Variants in ESR1 observed in about 807,000 individuals in gnomAD.
ESR1 encodes the protein estrogen receptor.
Under a neutral mutation model 52.7 loss-of-function variants are expected in ESR1, and 12 were observed. The observed-to-expected ratio is 0.23, with a 90% CI of 0.15 to 0.37. The LOEUF is 0.37. Ranked by LOEUF, ESR1 falls within the 10% of genes least tolerant of loss-of-function variation. The pLI is 1.00. For missense variants in ESR1, 584 were observed against 779.7 expected (o/e 0.75, Z 2.99); for synonymous variants, 305 against 316.8 (o/e 0.96, Z 0.39).
chr6:151,808,768 TG>T (rs1434283333), intron 1 of ESR1, among the ~76,000 whole-genome samples: 1 of 152,132 alleles, frequency 6.6e-6, no homozygotes, highest in Admixed American at 6.5e-5. Context: ...CATTTAAAGT[TG>T]GGGGTGTTTG....
At chr6:151,948,476 A>T (rs1357545674) in intron 4 of ESR1, among the ~76,000 whole-genome samples, 1 of 152,120 alleles carries the variant, frequency 6.6e-6, no homozygotes, top group Non-Finnish European at 1.5e-5. Flanking sequence ...GTGCACTCAG[A>T]GTGTTGGCCC....
At chr6:151,880,821 C>A (rs17847077) in intron 3 of ESR1, 50 bp downstream of exon 3, 1 of 923,524 alleles carries the variant, frequency 1.1e-6, no homozygotes, top group South Asian at 1.3e-5. Context: ...GGCCACCGCC[C>A]AGTGCTGGCT....
At chr6:152,106,681 C>T (rs1173424649), downstream of ESR1, among the ~76,000 whole-genome samples, 1 of 152,160 alleles carries the variant, frequency 6.6e-6, no homozygotes, top group Admixed American at 6.5e-5. Flanking sequence ...CTCCATGTTC[C>T]AGGCTCAAGT....
At chr6:151,765,672 G>A (rs1044048726) in intron 2 of ESR1, among the ~76,000 whole-genome samples, 1 of 152,052 alleles carries the variant, frequency 6.6e-6, no homozygotes, top group Non-Finnish European at 1.5e-5. Flanking sequence ...GAGTTGCCTG[G>A]GCTTGTCACT....
chr6:151,884,823 T>C lies in ESR1; in HGVS notation c.760+4052T>C, dbSNP rs560057841. 4.6e-5 allele frequency among the ~76,000 whole-genome samples: 7 copies of C among 152,338 alleles called. No individual in the cohort carries two copies. In the South Asian group the frequency reaches 1.0e-3, roughly 23 times the overall value. ...GTCTCCTTCCTCTTGAACTTTAGGT[T>C]GTAGATTACATGTCTCTTCTTCAGG... On this transcript the variant is annotated intron_variant, in intron 3 of 7. Transcript: ENST00000206249.
chr6:151,956,282 G>T (rs568844581), intron 4 of ESR1, among the ~76,000 whole-genome samples: 1 of 152,030 alleles, frequency 6.6e-6, no homozygotes, highest in African/African-American at 2.4e-5. Context: ...TCTGTTTTTA[G>T]TTCTTTTAGT....
chr6:151,810,051 C>G (rs952660714), intron 1 of ESR1, among the ~76,000 whole-genome samples: 2 of 152,048 alleles, frequency 1.3e-5, no homozygotes, highest in Non-Finnish European at 1.5e-5. Context: ...ATTAATGCTG[C>G]TGAATTTCAA....
At chr6:151,689,271 A>G (rs1200792745), upstream of ESR1, among the ~76,000 whole-genome samples, 2 of 152,216 alleles carry the variant, frequency 1.3e-5, no homozygotes, top group Non-Finnish European at 2.9e-5. Context: ...TGTTCAGAGC[A>G]TGTTATTCAA....
At chr6:151,787,562 C>T (rs1290387) in intron 2 of ESR1, among the ~76,000 whole-genome samples, 1 of 152,072 alleles carries the variant, frequency 6.6e-6, no homozygotes, top group Non-Finnish European at 1.5e-5. Context: ...AATTTCACCT[C>T]CCGGGTTAGC....
At chr6:152,018,731 C>T (rs2043366115) in intron 5 of ESR1, among the ~76,000 whole-genome samples, 1 of 151,998 alleles carries the variant, frequency 6.6e-6, no homozygotes, top group Non-Finnish European at 1.5e-5. Flanking sequence ...ACTGTTTAGG[C>T]CCTGGGCCCT....
intron 1 of ESR1, among the ~76,000 whole-genome samples, chr6:151,659,265 A>G (rs182068614): frequency 0.01 from 1,535 of 152,252 alleles, 21 homozygotes; most frequent in Non-Finnish European, 0.012. Context: ...CGCCCACCTC[A>G]GCCTCCCAGA....
chr6:151,679,282 G>A (rs1019604824), intron 1 of ESR1, among the ~76,000 whole-genome samples: 7 of 152,134 alleles, frequency 4.6e-5, no homozygotes, highest in South Asian at 4.1e-4. Flanking sequence ...AGGATGCCAC[G>A]TGTCCCACAT....
chr6:151,902,793 A>G (rs1796884482), intron 3 of ESR1, among the ~76,000 whole-genome samples: 1 of 152,240 alleles, frequency 6.6e-6, no homozygotes, highest in Non-Finnish European at 1.5e-5. Flanking sequence ...ATGGGTAATG[A>G]AAAGTACGTT....
At chr6:151,860,877 T>C (rs796170442) in intron 2 of ESR1, among the ~76,000 whole-genome samples, 43 of 152,354 alleles carry the variant, frequency 2.8e-4, no homozygotes, top group African/African-American at 1.0e-3. Flanking sequence ...CCTGTGGATT[T>C]CTACCTCTTA....
rs145079388 is a variant in ESR1 at position 152,074,951 on chromosome 6, G to A, written c.1369+13827G>A. 7.9e-5 allele frequency among the ~76,000 whole-genome samples: 12 copies of A among 152,228 alleles called. No individual in the cohort carries two copies. In the South Asian group the frequency reaches 1.0e-3, roughly 13 times the overall value. On this transcript the variant is annotated intron_variant, in intron 6 of 7. Coordinates refer to ENST00000206249, the MANE Select transcript of ESR1 (RefSeq NM_000125.4). ...TAATCAGGTTGTTTGCGTTCTTATC[G>A]TTGAGTTTTAAAAGCTCTTTGTATA...
intron 3 of ESR1, among the ~76,000 whole-genome samples, chr6:151,903,446 A>G (rs1055944726): frequency 3.3e-5 from 5 of 151,928 alleles, no homozygotes; most frequent in African/African-American, 1.2e-4. Flanking sequence ...ACACTGCTTG[A>G]CCTCATTCTG....
At chr6:152,122,310 G>A (rs2051576496) in intron 6 of ESR1, 5 of 1,476,964 alleles carry the variant, frequency 3.4e-6, no homozygotes, top group Middle Eastern at 2.4e-4. Flanking sequence ...TGATCTGGAG[G>A]AGGGCTAAAG....
At chr6:152,057,476 C>T (rs1488700804) in intron 5 of ESR1, among the ~76,000 whole-genome samples, 1 of 152,108 alleles carries the variant, frequency 6.6e-6, no homozygotes. Context: ...TCAGGATAAA[C>T]TTCTTGTAGC....
chr6:151,832,117 A>G lies in ESR1; in HGVS notation c.453-10480A>G, dbSNP rs192996145. ...TGTATCACTAAATAGATAATATGAGATAGATGTATTAAGTTTTCAGATAAA... is the reference window on the plus strand; with the variant it reads ...TGTATCACTAAATAGATAATATGAGGTAGATGTATTAAGTTTTCAGATAAA... On this transcript the variant is annotated intron_variant, in intron 1 of 7. Coordinates refer to ENST00000206249, the MANE Select transcript of ESR1 (RefSeq NM_000125.4). Among the ~76,000 whole-genome samples, 705 of 152,342 alleles carry G rather than the reference A, an allele frequency of 4.6e-3. 4 individuals carry two copies. Among genetic ancestry groups the G allele is most frequent in the African/African-American group, 0.016 (675 of 41,576 alleles).
Sources: gnomAD v4.1 joint callset for allele counts (sites outside exome capture counted in the v4.1 genomes callset) on GRCh38, gnomAD v4.1.1 for gene constraint, MANE v1.5 for transcripts, NCBI Gene and HGNC (gene_info 2026-07-23, HGNC 2026-07-21) for gene names.